WDPCP: variants seen among roughly 807,000 people sequenced by gnomAD.
WDPCP encodes WD repeat containing planar cell polarity effector.
Under a neutral mutation model 93.1 loss-of-function variants are expected in WDPCP, and 71 were observed. The observed-to-expected ratio is 0.76, with a 90% CI of 0.63 to 0.93. WDPCP has a LOEUF of 0.93. Among genes scored for constraint, WDPCP ranks in the 40% least tolerant of loss-of-function variants. The probability of loss-of-function intolerance (pLI) is 0.00; values close to 1 mark genes in which losing one functional copy is unlikely to be tolerated. For synonymous variants in WDPCP, 315 were observed against 315.0 expected (o/e 1.00, Z 0.00); for missense variants, 844 against 887.4 (o/e 0.95, Z 0.62).
chr2:63,221,910 G>T (rs1677866494), intron 14 of WDPCP, among the ~76,000 whole-genome samples: 1 of 152,152 alleles, frequency 6.6e-6, no homozygotes, highest in African/African-American at 2.4e-5. Context: ...AATGGGTGAT[G>T]AAATAACCTG....
chr2:63,757,944 G>C (rs570831499), intron 2 of WDPCP, among the ~76,000 whole-genome samples: 3 of 152,298 alleles, frequency 2.0e-5, no homozygotes, highest in Non-Finnish European at 2.9e-5. Context: ...TTGTGATCAA[G>C]CCTCTGTGAT....
intron 2 of WDPCP, among the ~76,000 whole-genome samples, chr2:63,696,513 G>A (rs944240398): frequency 6.6e-6 from 1 of 152,148 alleles, no homozygotes; most frequent in East Asian, 1.9e-4. Context: ...GTAGTATTGA[G>A]GGGGAAGACC....
intron 2 of WDPCP, among the ~76,000 whole-genome samples, chr2:63,771,971 A>G (rs949321716): frequency 2.0e-5 from 3 of 151,940 alleles, no homozygotes; most frequent in Non-Finnish European, 1.5e-5. Flanking sequence ...ACTTGATTCC[A>G]TATCTTTGCT....
intron 1 of WDPCP, among the ~76,000 whole-genome samples, chr2:63,535,564 A>G (rs1489628504): frequency 6.6e-6 from 1 of 152,212 alleles, no homozygotes; most frequent in Non-Finnish European, 1.5e-5. Flanking sequence ...CCACACATCT[A>G]CAACCATCTG....
intron 3 of WDPCP, chr2:63,643,528 G>T: frequency 2.4e-6 from 1 of 415,672 alleles, no homozygotes; most frequent in East Asian, 5.9e-5. Flanking sequence ...TGTTGAACTT[G>T]ATAAAATCAG....
chr2:63,517,847 T>TACAC (rs573747721), intron 1 of WDPCP: 1 of 151,992 alleles, frequency 6.6e-6, no homozygotes, highest in South Asian at 2.1e-4. Flanking sequence ...TCTATGTACA[T>TACAC]ACACACACAC....
At chr2:63,368,297 AATTTATTTATTTATTTATTT>A (rs201098167) in intron 12 of WDPCP, among the ~76,000 whole-genome samples, 5 of 147,150 alleles carry the variant, frequency 3.4e-5, no homozygotes, top group African/African-American at 9.9e-5. Flanking sequence ...GTTTATTTTT[AATTTATTTATTTATTTATTT>A]ATTTATTTAT....
chr2:63,466,209 T>C (rs927691053), intron 6 of WDPCP, among the ~76,000 whole-genome samples: 1 of 152,164 alleles, frequency 6.6e-6, no homozygotes, highest in African/African-American at 2.4e-5. Context: ...GTGAACATTT[T>C]ATATACAATA....
intron 12 of WDPCP, among the ~76,000 whole-genome samples, chr2:63,367,325 G>T (rs1353356761): frequency 2.6e-5 from 4 of 151,742 alleles, no homozygotes; most frequent in Admixed American, 2.6e-4. Context: ...TTCAACTGTG[G>T]GTGTAGTAAG....
At chr2:63,148,596 C>T (rs1671682335) in intron 17 of WDPCP, among the ~76,000 whole-genome samples, 1 of 151,748 alleles carries the variant, frequency 6.6e-6, no homozygotes, top group Non-Finnish European at 1.5e-5. Context: ...TCACGTGATC[C>T]ACCCACTACC....
intron 9 of WDPCP, among the ~76,000 whole-genome samples, chr2:63,404,950 G>A (rs1433563381): frequency 1.3e-5 from 2 of 152,084 alleles, no homozygotes; most frequent in Admixed American, 6.5e-5. Context: ...TGTTTTGGAA[G>A]GCCTGTAAAT....
intron 2 of WDPCP, among the ~76,000 whole-genome samples, chr2:63,686,544 A>G (rs994188182): frequency 6.6e-6 from 1 of 152,130 alleles, no homozygotes; most frequent in Non-Finnish European, 1.5e-5. Flanking sequence ...GATGCAATCC[A>G]TCAAAATACC....
At chr2:63,638,264 T>C (rs935243596) in intron 3 of WDPCP, among the ~76,000 whole-genome samples, 6 of 152,132 alleles carry the variant, frequency 3.9e-5, no homozygotes, top group Admixed American at 3.3e-4. Context: ...TTCTGTATAC[T>C]TGAAATTTGC....
intron 11 of WDPCP, among the ~76,000 whole-genome samples, chr2:63,379,033 C>A (rs768651187): frequency 6.6e-6 from 1 of 152,020 alleles, no homozygotes; most frequent in Non-Finnish European, 1.5e-5. Context: ...CTAAGTCCTG[C>A]CCTAAACAGC....
intron 3 of WDPCP, among the ~76,000 whole-genome samples, chr2:63,632,693 T>G (rs1387355927): frequency 6.6e-6 from 1 of 151,992 alleles, no homozygotes; most frequent in Non-Finnish European, 1.5e-5. Context: ...AAGGAAATTT[T>G]TAAAAGTGAA....
chr2:63,454,303 A>C (rs1698478244), intron 6 of WDPCP, among the ~76,000 whole-genome samples: 1 of 151,786 alleles, frequency 6.6e-6, no homozygotes, highest in Non-Finnish European at 1.5e-5. Flanking sequence ...GGCATTGAAC[A>C]ATGAACACAT....
intron 6 of WDPCP, among the ~76,000 whole-genome samples, chr2:63,479,611 A>C (rs894466256): frequency 5.3e-5 from 8 of 152,046 alleles, no homozygotes; most frequent in African/African-American, 1.9e-4. Context: ...TAGATGCAGA[A>C]AAAGCATTCG....
intron 17 of WDPCP, among the ~76,000 whole-genome samples, chr2:63,131,634 C>T (rs926412639): frequency 2.6e-5 from 4 of 151,872 alleles, no homozygotes; most frequent in African/African-American, 9.7e-5. Context: ...CTATAGTTGC[C>T]CATATGTTTA....
intron 15 of WDPCP, among the ~76,000 whole-genome samples, chr2:63,156,725 G>T (rs548824183): frequency 1.3e-5 from 2 of 152,076 alleles, no homozygotes; most frequent in Non-Finnish European, 2.9e-5. Context: ...GTGACAGAGC[G>T]AGACTCTGTC....
Sources: gnomAD v4.1 joint callset for allele counts (sites outside exome capture counted in the v4.1 genomes callset) on GRCh38, gnomAD v4.1.1 for gene constraint, MANE v1.5 for transcripts, NCBI Gene and HGNC (gene_info 2026-07-23, HGNC 2026-07-21) for gene names.